Variants in COLEC10 observed in about 807,000 individuals in gnomAD.
The protein encoded by COLEC10 is collectin subfamily member 10.
A neutral mutation model predicts 28.4 loss-of-function variants in COLEC10; 22 were observed. The observed-to-expected ratio is 0.78, with a 90% CI of 0.55 to 1.11. COLEC10 has a LOEUF of 1.11. Among genes scored for constraint, COLEC10 ranks in the 50% least tolerant of loss-of-function variants. The pLI is 0.00. For synonymous variants in COLEC10, 125 were observed against 116.1 expected (o/e 1.08, Z -0.49); for missense variants, 361 against 344.1 (o/e 1.05, Z -0.39).
rs146936222 is a variant in COLEC10, at chr8:119,085,479, T to C, written c.149-4201T>C. 2.2e-4 allele frequency among the ~76,000 whole-genome samples: 34 copies of C among 152,226 alleles called. No homozygotes were observed. In the East Asian group the frequency reaches 6.0e-3, roughly 27 times the overall value. On this transcript the variant is annotated intron_variant, in intron 1 of 5. Coordinates refer to ENST00000332843, the MANE Select transcript of COLEC10 (RefSeq NM_006438.5). The stretch of plus-strand genomic sequence containing the variant: ...GCAATTGGCATAGATGGGAAGAAGA[T>C]GTAAGTAGGAGTGGGAAGGATATAT...
chr8:119,017,445 T>A (rs1366558974), intron 2 of COLEC10, among the ~76,000 whole-genome samples: 1 of 152,194 alleles, frequency 6.6e-6, no homozygotes, highest in Non-Finnish European at 1.5e-5. Context: ...CCATACCAGC[T>A]CTTACTTATT....
intron 1 of COLEC10, among the ~76,000 whole-genome samples, chr8:119,070,966 T>G (rs568813206): frequency 6.6e-6 from 1 of 152,184 alleles, no homozygotes; most frequent in Non-Finnish European, 1.5e-5. Context: ...AGTGCCCGAG[T>G]TCTTTCAGCA....
At chr8:118,989,992 G>A in the COLEC10 span, among the ~76,000 whole-genome samples, 2 of 151,988 alleles carry the variant, frequency 1.3e-5, no homozygotes, top group South Asian at 4.2e-4. Context: ...TTGGATTTTG[G>A]GGTTTGGTTT....
At chr8:118,962,011 C>T in the COLEC10 span, among the ~76,000 whole-genome samples, 1 of 152,142 alleles carries the variant, frequency 6.6e-6, no homozygotes, top group African/African-American at 2.4e-5. Flanking sequence ...CAATCACCCC[C>T]CTGTTGTTTT....
intron 2 of COLEC10, among the ~76,000 whole-genome samples, chr8:119,038,510 CT>C (rs1437182206): frequency 6.6e-6 from 1 of 152,156 alleles, no homozygotes; most frequent in Non-Finnish European, 1.5e-5. Context: ...GAAATTTAAT[CT>C]TAGTACTACA....
the COLEC10 span, among the ~76,000 whole-genome samples, chr8:118,974,066 A>C: frequency 6.6e-6 from 1 of 151,888 alleles, no homozygotes; most frequent in Non-Finnish European, 1.5e-5. Flanking sequence ...CTTTCATTTA[A>C]TTCAGGCTTT....
chr8:118,972,203 G>T, the COLEC10 span, among the ~76,000 whole-genome samples: 1,696 of 152,006 alleles, frequency 0.011, 34 homozygotes, highest in African/African-American at 0.039. Flanking sequence ...TTCTGATCCT[G>T]CAATTCATTT....
At chr8:119,003,724 C>T (rs1485284) in intron 1 of COLEC10, among the ~76,000 whole-genome samples, 33,947 of 151,846 alleles carry the variant, frequency 0.22, 3,986 homozygotes, top group East Asian at 0.37. Context: ...TTGGTTGCAC[C>T]GCTTAACCCA....
intron 2 of COLEC10, among the ~76,000 whole-genome samples, chr8:119,055,617 C>T (rs1321437202): frequency 6.6e-6 from 1 of 152,046 alleles, no homozygotes; most frequent in African/African-American, 2.4e-5. Flanking sequence ...TCAATTTAAT[C>T]AGCTATTTGT....
intron 2 of COLEC10, among the ~76,000 whole-genome samples, chr8:119,034,355 A>G (rs527793817): frequency 6.6e-5 from 10 of 151,382 alleles, no homozygotes; most frequent in Non-Finnish European, 1.0e-4. Context: ...AAACCAGCAC[A>G]TGTATACCTA....
At chr8:119,060,710 A>G (rs1195500279) in intron 2 of COLEC10, among the ~76,000 whole-genome samples, 2 of 152,142 alleles carry the variant, frequency 1.3e-5, no homozygotes, top group Non-Finnish European at 2.9e-5. Flanking sequence ...AGATGCAGGT[A>G]ATGAGAATGA....
intron 3 of COLEC10, among the ~76,000 whole-genome samples, chr8:119,093,666 A>G (rs926608176): frequency 6.6e-6 from 1 of 152,220 alleles, no homozygotes; most frequent in Non-Finnish European, 1.5e-5. Context: ...TTTTTTAAAG[A>G]TACTACTCCC....
chr8:119,063,024 C>T (rs762972371), upstream of COLEC10: 1 of 152,148 alleles, frequency 6.6e-6, no homozygotes, highest in Admixed American at 6.5e-5. Context: ...CAAGAAATCC[C>T]TTCTGGAGAT....
chr8:119,055,723 A>G (rs1814748463), intron 2 of COLEC10, among the ~76,000 whole-genome samples: 1 of 152,134 alleles, frequency 6.6e-6, no homozygotes, highest in Non-Finnish European at 1.5e-5. Context: ...AGTGCTATTA[A>G]GTATCAATTT....
chr8:118,987,384 C>A, the COLEC10 span, among the ~76,000 whole-genome samples: 9 of 152,016 alleles, frequency 5.9e-5, no homozygotes, highest in African/African-American at 1.9e-4. Context: ...GCCAACAGGG[C>A]AAAACCCTGT....
In COLEC10 at chr8:119,083,189, G is replaced by A. The variant is rs537056172; in HGVS notation, c.149-6491G>A. Among the ~76,000 whole-genome samples the A allele has an allele frequency of 7.2e-5, 11 of 152,294 alleles. 1 individual carries two copies. Among genetic ancestry groups the A allele is most frequent in the Admixed American group, 3.9e-4 (6 of 15,292 alleles). ...AGTTAGGTCCAGCTGCTCAAGTCAC[G>A]TGTTCTGGGATGAGTCTTCACACCA... On this transcript the variant is annotated intron_variant, in intron 1 of 5. Coordinates refer to ENST00000332843, the MANE Select transcript of COLEC10 (RefSeq NM_006438.5).
chr8:119,045,314 C>A (rs929749589), intron 2 of COLEC10, among the ~76,000 whole-genome samples: 1 of 152,150 alleles, frequency 6.6e-6, no homozygotes, highest in Non-Finnish European at 1.5e-5. Context: ...CAGTGGCAAA[C>A]CAAGACTCTG....
chr8:119,003,961 G>A (rs1263590006), intron 1 of COLEC10, among the ~76,000 whole-genome samples: 1 of 152,020 alleles, frequency 6.6e-6, no homozygotes, highest in Non-Finnish European at 1.5e-5. Flanking sequence ...CCATACAGTT[G>A]ATTATGCAGA....
At chr8:119,049,491 T>G (rs1022801498) in intron 2 of COLEC10, among the ~76,000 whole-genome samples, 1 of 135,984 alleles carries the variant, frequency 7.4e-6, no homozygotes, top group African/African-American at 2.7e-5. Context: ...CTGGGCTCAC[T>G]GCAGGCTTCG....
Sources: allele counts gnomAD v4.1 joint callset (sites outside exome capture counted in the v4.1 genomes callset), GRCh38; gene constraint gnomAD v4.1.1; transcripts MANE v1.5; gene names NCBI Gene and HGNC (gene_info 2026-07-23, HGNC 2026-07-21).